RASGEF1C: variants seen among roughly 807,000 people sequenced by gnomAD.
RASGEF1C encodes the protein RasGEF domain family member 1C.
A neutral mutation model predicts 58.1 loss-of-function variants in RASGEF1C; 27 were observed. That is an observed-to-expected ratio of 0.46 (90% CI 0.34 to 0.64). RASGEF1C has a LOEUF of 0.64. RASGEF1C is among the 30% of genes least tolerant of loss of function. The pLI is 0.01. For missense variants in RASGEF1C, 502 were observed against 605.1 expected (o/e 0.83, Z 1.79); for synonymous variants, 243 against 246.3 (o/e 0.99, Z 0.13).
intron 1 of RASGEF1C, among the ~76,000 whole-genome samples, chr5:180,172,951 T>A (rs1314701212): frequency 1.3e-5 from 2 of 152,192 alleles, no homozygotes; most frequent in African/African-American, 4.8e-5. Flanking sequence ...GCTGAGGCCC[T>A]GAGGGTCAAT....
At chr5:180,122,148 C>T (rs1437978188) in intron 6 of RASGEF1C, among the ~76,000 whole-genome samples, 9 of 152,130 alleles carry the variant, frequency 5.9e-5, no homozygotes, top group Admixed American at 1.3e-4. Context: ...ATATATTGAT[C>T]CGCTGGCAAA....
chr5:180,165,781 G>C (rs1443720346), intron 1 of RASGEF1C, among the ~76,000 whole-genome samples: 1 of 111,360 alleles, frequency 9.0e-6, no homozygotes, highest in Admixed American at 1.3e-4. Flanking sequence ...ATAGAGTCTC[G>C]CTCTGTCACC....
At chr5:180,190,417 G>A (rs1330521264) in intron 1 of RASGEF1C, among the ~76,000 whole-genome samples, 2 of 149,270 alleles carry the variant, frequency 1.3e-5, no homozygotes, top group East Asian at 3.9e-4. Flanking sequence ...GTGAACCTGG[G>A]AGGCGGAGCT....
chr5:180,197,193 G>A lies in RASGEF1C; in HGVS notation c.-7+11835C>T, dbSNP rs902035418. Among the ~76,000 whole-genome samples, 5 of 152,236 alleles carry A rather than the reference G, an allele frequency of 3.3e-5. No individual in the cohort carries two copies. The highest frequency in any genetic ancestry group is 5.9e-5 in the Non-Finnish European group (4 of 68,054). On this transcript the variant is annotated intron_variant, in intron 1 of 13. Transcript: ENST00000361132. The surrounding 1 kb of genome is among the most constrained non-coding windows in gnomAD (Gnocchi z 4.7). ...TGAGATTTGGCGTCAGGAAGCAGGG[G>A]TGCATCAGGCACACGGGAGCTCTCT...
intron 1 of RASGEF1C, among the ~76,000 whole-genome samples, chr5:180,186,088 C>T (rs1756030277): frequency 7.5e-6 from 1 of 134,190 alleles, no homozygotes; most frequent in Non-Finnish European, 1.6e-5. Flanking sequence ...CAGAGCCAGG[C>T]CCTATCTCCA....
chr5:180,187,338 C>A (rs1756060914), intron 1 of RASGEF1C, among the ~76,000 whole-genome samples: 1 of 152,088 alleles, frequency 6.6e-6, no homozygotes, highest in Non-Finnish European at 1.5e-5. Context: ...TGGGGAGAAA[C>A]ATGGATTTGG....
Position 180,158,366 on chromosome 5 carries a change from A to T in RASGEF1C, c.-6-20308T>A, listed in dbSNP as rs919995423. On this transcript the variant is annotated intron_variant, in intron 1 of 13. Coordinates refer to ENST00000361132, the MANE Select transcript of RASGEF1C (RefSeq NM_175062.4). This position sits in a 1 kb window ranked among gnomAD's most constrained non-coding sequence, Gnocchi z 4.0. ...TTGGTCTTTCATTTTAATGGAGCAC[A>T]TACTCTAGTAGCTTTTTGAGAAGAG... Among the ~76,000 whole-genome samples, 2 of 152,192 alleles carry T rather than the reference A, an allele frequency of 1.3e-5. No homozygotes were observed. The highest frequency in any genetic ancestry group is 4.8e-5 in the African/African-American group (2 of 41,444).
intron 1 of RASGEF1C, among the ~76,000 whole-genome samples, chr5:180,160,804 C>T (rs1380538694): frequency 6.6e-6 from 1 of 152,112 alleles, no homozygotes; most frequent in Non-Finnish European, 1.5e-5. Flanking sequence ...CAGGCAGACC[C>T]CTGGTATATA....
At chr5:180,170,737 C>T (rs1324757914) in intron 1 of RASGEF1C, among the ~76,000 whole-genome samples, 1 of 152,258 alleles carries the variant, frequency 6.6e-6, no homozygotes, top group Non-Finnish European at 1.5e-5. Flanking sequence ...CTCTCCCTCC[C>T]GGGCCTGCCT....
At chr5:180,202,235 T>A (rs575810670) in intron 1 of RASGEF1C, among the ~76,000 whole-genome samples, 1 of 151,772 alleles carries the variant, frequency 6.6e-6, no homozygotes, top group Non-Finnish European at 1.5e-5. Context: ...AAAATAAAAT[T>A]CATAGAGAAA....
At chr5:180,178,353 C>A (rs1267558644) in intron 1 of RASGEF1C, among the ~76,000 whole-genome samples, 1 of 143,488 alleles carries the variant, frequency 7.0e-6, no homozygotes, top group Non-Finnish European at 1.5e-5. Context: ...GATCTCAGCT[C>A]ACTGCAGCCT....
intron 1 of RASGEF1C, among the ~76,000 whole-genome samples, chr5:180,185,004 G>A (rs1249818467): frequency 6.6e-6 from 1 of 152,172 alleles, no homozygotes; most frequent in Non-Finnish European, 1.5e-5. Context: ...AGAAAATCAT[G>A]AAGGAGGGCC....
intron 5 of RASGEF1C, among the ~76,000 whole-genome samples, chr5:180,128,035 G>C (rs912729840): frequency 6.6e-6 from 1 of 152,210 alleles, no homozygotes; most frequent in African/African-American, 2.4e-5. Flanking sequence ...TCAAACCCTG[G>C]CTCTGTCCCT....
At chr5:180,103,132 C>T (rs766345176) in intron 12 of RASGEF1C, among the ~76,000 whole-genome samples, 12 of 152,220 alleles carry the variant, frequency 7.9e-5, no homozygotes, top group Non-Finnish European at 1.5e-4. Flanking sequence ...GGCTGGAGTG[C>T]AGTGGCGCGA....
At position 180,158,851 on chromosome 5, in the gene RASGEF1C, A is replaced by C. The variant is rs774633501; in HGVS notation, c.-6-20793T>G. Among the ~76,000 whole-genome samples the C allele has an allele frequency of 2.6e-5, 4 of 151,516 alleles. No individual in the cohort carries two copies. The highest frequency in any genetic ancestry group is 5.9e-5 in the Non-Finnish European group (4 of 67,890). ...TTTCACAGATGGTTTCCTCTCCTTC[A>C]TTTTCTCTGTCTAGAATTCTTAGCA... On this transcript the variant is annotated intron_variant, in intron 1 of 13. Transcript: ENST00000361132. The surrounding 1 kb of genome is among the most constrained non-coding windows in gnomAD (Gnocchi z 4.0).
chr5:180,116,653 G>A (rs1561732419), intron 10 of RASGEF1C, among the ~76,000 whole-genome samples: 1 of 152,374 alleles, frequency 6.6e-6, no homozygotes, highest in Non-Finnish European at 1.5e-5. Context: ...CCGAATCCCA[G>A]TCTGTCTACC....
intron 11 of RASGEF1C, among the ~76,000 whole-genome samples, chr5:180,113,877 G>GAGGATGGATGGAGGGATGCCC (rs1319091979): frequency 2.0e-5 from 3 of 152,030 alleles, no homozygotes; most frequent in African/African-American, 7.2e-5. Context: ...TGGAGGGATC[G>GAGGATGGATGGAGGGATGCCC]AGGATGGATG....
chr5:180,142,501 A>G (rs1766595974), intron 1 of RASGEF1C, among the ~76,000 whole-genome samples: 1 of 152,180 alleles, frequency 6.6e-6, no homozygotes, highest in South Asian at 2.1e-4. Context: ...CAAGCTGTGG[A>G]AAGAAAGGCC....
intron 6 of RASGEF1C, 93 bp downstream of exon 6, chr5:180,127,516 A>T: frequency 5.5e-6 from 7 of 1,271,908 alleles, no homozygotes; most frequent in Non-Finnish European, 7.5e-6. Context: ...GGGCCACTCC[A>T]GCGCTCGCCC....
Sources: allele counts gnomAD v4.1 joint callset (sites outside exome capture counted in the v4.1 genomes callset), GRCh38; gene constraint gnomAD v4.1.1; non-coding constraint Gnocchi (gnomAD v3.1); transcripts MANE v1.5; gene names NCBI Gene and HGNC (gene_info 2026-07-23, HGNC 2026-07-21).